EXT2: variants seen among roughly 807,000 people sequenced by gnomAD.
EXT2 encodes the protein exostosin glycosyltransferase 2.
EXT2 carries 53 observed loss-of-function variants against 81.6 expected under a neutral mutation model. That is an observed-to-expected ratio of 0.65 (90% confidence interval 0.52 to 0.82). The LOEUF (loss-of-function observed/expected upper bound fraction) is 0.82. EXT2 is among the 40% of genes least tolerant of loss of function. EXT2 has a pLI of 0.00. For missense variants in EXT2, 774 were observed against 910.2 expected, an observed-to-expected ratio of 0.85 and a Z score of 1.93; for synonymous variants, 320 against 340.0, an observed-to-expected ratio of 0.94 and a Z score of 0.65.
intron 10 of EXT2, among the ~76,000 whole-genome samples, chr11:44,212,301 AAATAAATAAATAAAT>A (rs1564978611): frequency 0.022 from 2,724 of 124,032 alleles, 45 homozygotes; most frequent in South Asian, 0.044. Context: ...ATAAAAATAT[AAATAAATAAATAAAT>A]AAATAAATAA....
intron 10 of EXT2, among the ~76,000 whole-genome samples, chr11:44,228,718 C>A (rs1030005936): frequency 6.6e-6 from 1 of 152,142 alleles, no homozygotes; most frequent in Non-Finnish European, 1.5e-5. Context: ...CCTTTTAGAG[C>A]AGCATAGTTT....
intron 7 of EXT2, among the ~76,000 whole-genome samples, chr11:44,170,367 A>C (rs1955053512): frequency 6.6e-6 from 1 of 152,202 alleles, no homozygotes; most frequent in Non-Finnish European, 1.5e-5. Context: ...TATATTAAAA[A>C]TAAAGAAAGG....
intron 13 of EXT2, 90 bp downstream of exon 13, chr11:44,236,465 A>C: frequency 6.6e-6 from 8 of 1,219,286 alleles, no homozygotes; most frequent in Non-Finnish European, 9.5e-6. Flanking sequence ...TGGAGATATA[A>C]GGACAGCAGC....
intron 7 of EXT2, among the ~76,000 whole-genome samples, chr11:44,147,127 C>T (rs748359243): frequency 5.3e-5 from 8 of 152,178 alleles, no homozygotes; most frequent in East Asian, 1.9e-4. Context: ...TAGATCAACC[C>T]GCCCCAGCAC....
chr11:44,153,367 C>T (rs1218124879), intron 7 of EXT2, among the ~76,000 whole-genome samples: 1 of 152,132 alleles, frequency 6.6e-6, no homozygotes, highest in Non-Finnish European at 1.5e-5. Context: ...AAACTTATAT[C>T]CTGCCATCTT....
In EXT2 at chr11:44,232,394, T is replaced by A. The variant is rs145878394; in HGVS notation, c.1704T>A (p.Gly568=). The A allele has an allele frequency of 5.3e-5, 86 of 1,613,882 alleles. No individual in the cohort carries two copies. Among genetic ancestry groups the A allele is most frequent in the Non-Finnish European group, 7.2e-5 (85 of 1,179,938 alleles). Reference sequence around the variant, plus strand: ...CTGACCGGTTGGTGGGTTACCCGGGTCGTCTGCATCTCTGGGACCATGAGA... The same window carrying A: ...CTGACCGGTTGGTGGGTTACCCGGGACGTCTGCATCTCTGGGACCATGAGA... ...EFPDRLVGYP[G]RLHLWDHEMN... is the part of the protein sequence containing the mutation. The change falls in exon 11 of 14, where the codon GGT becomes GGA. Residue 568 remains glycine, a synonymous_variant. Transcript: ENST00000533608.
rs1954972106 is a variant in EXT2, at chr11:44,164,894, T to G, written c.1174-6717T>G. 3.3e-5 allele frequency among the ~76,000 whole-genome samples: 5 copies of G among 151,088 alleles called. No homozygotes were observed. In the South Asian group the frequency reaches 1.1e-3, roughly 32 times the overall value. The stretch of plus-strand genomic sequence containing the variant: ...ATTCACACTTTTTTTTTTTTTTTTT[T>G]TTGAGACGGAGTCTCGCTCTGTCGC... On this transcript the variant is annotated intron_variant, in intron 7 of 13. Transcript: ENST00000533608.
intron 3 of EXT2, among the ~76,000 whole-genome samples, chr11:44,111,061 G>T (rs573870062): frequency 6.6e-6 from 1 of 152,316 alleles, no homozygotes; most frequent in Non-Finnish European, 1.5e-5. Context: ...ATGTCAGATT[G>T]TTTGGAAATT....
chr11:44,112,364 A>G (rs977835001), intron 3 of EXT2, among the ~76,000 whole-genome samples: 1 of 152,354 alleles, frequency 6.6e-6, no homozygotes, highest in African/African-American at 2.4e-5. Flanking sequence ...GAGTCAGATC[A>G]TCATATTAAT....
In EXT2 at chr11:44,107,700, T is replaced by A. The variant is rs772941175; in HGVS notation, c.-13T>A. 7 of 1,611,488 alleles carry A rather than the reference T, an allele frequency of 4.3e-6. No homozygotes were observed. The highest frequency in any genetic ancestry group is 2.7e-5 in the African/African-American group (2 of 74,872). ...GTGACCAGGAGTGTGAGGAAGAGGC[T>A]GTCTGTGTCATTATGTGTGCGTCGG... On this transcript the variant is annotated 5_prime_UTR_variant, in exon 2 of 14. Coordinates refer to ENST00000533608, the MANE Select transcript of EXT2 (RefSeq NM_207122.2).
intron 13 of EXT2, among the ~76,000 whole-genome samples, chr11:44,241,465 T>G (rs1479277760): frequency 1.3e-5 from 2 of 152,170 alleles, no homozygotes; most frequent in Non-Finnish European, 2.9e-5. Context: ...CAACAAATAT[T>G]TATTGAGCAT....
At chr11:44,143,418 G>A (rs1396205976) in intron 7 of EXT2, among the ~76,000 whole-genome samples, 3 of 152,150 alleles carry the variant, frequency 2.0e-5, no homozygotes, top group African/African-American at 7.2e-5. Flanking sequence ...AGGCTTTCTG[G>A]GCTGGGGGCT....
intron 8 of EXT2, among the ~76,000 whole-genome samples, chr11:44,193,390 C>T (rs1219686996): frequency 6.6e-6 from 1 of 152,180 alleles, no homozygotes; most frequent in Non-Finnish European, 1.5e-5. Flanking sequence ...TTGAATGCTT[C>T]TACATGACAG....
intron 7 of EXT2, among the ~76,000 whole-genome samples, chr11:44,131,952 G>T (rs934549762): frequency 6.6e-6 from 1 of 152,174 alleles, no homozygotes; most frequent in Non-Finnish European, 1.5e-5. Context: ...TGGCCAGGCT[G>T]GTCGAACTCT....
intron 4 of EXT2, among the ~76,000 whole-genome samples, chr11:44,123,265 A>G (rs1444387676): frequency 6.6e-6 from 1 of 152,220 alleles, no homozygotes; most frequent in Non-Finnish European, 1.5e-5. Flanking sequence ...TAACTAAGGA[A>G]AAGTAACAAT....
chr11:44,170,837 C>G (rs548190792), intron 7 of EXT2, among the ~76,000 whole-genome samples: 2,561 of 148,622 alleles, frequency 0.017, 79 homozygotes, highest in African/African-American at 0.064. Context: ...CACACACACA[C>G]ACACACACAC....
chr11:44,132,566 CTGT>C (rs1295773753), intron 7 of EXT2, among the ~76,000 whole-genome samples: 1 of 152,132 alleles, frequency 6.6e-6, no homozygotes, highest in African/African-American at 2.4e-5. Context: ...TTCCATGTGG[CTGT>C]TAAAAAACTC....
chr11:44,113,909 T>TGTAA (rs1197069405), intron 3 of EXT2, among the ~76,000 whole-genome samples: 1 of 152,160 alleles, frequency 6.6e-6, no homozygotes, highest in East Asian at 1.9e-4. Flanking sequence ...GCAGAGAGGC[T>TGTAA]GTCCGTAAGG....
chr11:44,164,247 C>T lies in EXT2; in HGVS notation c.1174-7364C>T, dbSNP rs1482493274. On this transcript the variant is annotated intron_variant, in intron 7 of 13. Coordinates refer to ENST00000533608, the MANE Select transcript of EXT2 (RefSeq NM_207122.2). ...TACCAAAAATTCCCATATGTTCCTG[C>T]GAGTTGTCCACCTTTTTCACTAGAT... Among the ~76,000 whole-genome samples the T allele has an allele frequency of 3.9e-5, 6 of 152,182 alleles. No homozygotes were observed. The South Asian group carries it at 8.3e-4, about 21-fold the overall frequency.
Sources: gnomAD v4.1 joint callset for allele counts (sites outside exome capture counted in the v4.1 genomes callset) on GRCh38, gnomAD v4.1.1 for gene constraint, MANE v1.5 for transcripts, NCBI Gene and HGNC (gene_info 2026-07-23, HGNC 2026-07-21) for gene names.